The following ST3GAL3 variants were observed in gnomAD, a reference collection of about 807,000 sequenced individuals.
ST3GAL3 encodes CMP-N-acetylneuraminate-beta-1,4-galactoside alpha-2,3-sialyltransferase.
In ST3GAL3, 21 loss-of-function variants were observed where a neutral mutation model predicts 50.1. The observed-to-expected ratio is 0.42, with a 90% CI of 0.30 to 0.60. The LOEUF is 0.60. ST3GAL3 is among the 20% of genes least tolerant of loss of function. The pLI is 0.19. For synonymous variants in ST3GAL3, 183 were observed against 190.0 expected (o/e 0.96, Z 0.30); for missense variants, 353 against 489.4 (o/e 0.72, Z 2.63).
intron 2 of ST3GAL3, among the ~76,000 whole-genome samples, chr1:43,757,613 C>G (rs1417629785): frequency 6.6e-6 from 1 of 152,166 alleles, no homozygotes; most frequent in Non-Finnish European, 1.5e-5. Context: ...AACACTGATT[C>G]TTATTTCTCA....
chr1:43,780,145 AT>A (rs1245986502), intron 2 of ST3GAL3, among the ~76,000 whole-genome samples: 1 of 152,128 alleles, frequency 6.6e-6, no homozygotes, highest in East Asian at 1.9e-4. Context: ...TTTTGAGAAC[AT>A]ACCTGAAAAT....
intron 2 of ST3GAL3, among the ~76,000 whole-genome samples, chr1:43,782,769 A>G (rs1034410044): frequency 3.3e-5 from 5 of 152,208 alleles, no homozygotes; most frequent in African/African-American, 1.2e-4. Flanking sequence ...GGTTCTATTA[A>G]TGGTCCACCA....
At chr1:43,882,051 C>A (rs1385574217) in intron 5 of ST3GAL3, among the ~76,000 whole-genome samples, 1 of 152,146 alleles carries the variant, frequency 6.6e-6, no homozygotes, top group African/African-American at 2.4e-5. Context: ...ACACAGCCTG[C>A]GGGGGAACTG....
At chr1:43,865,732 T>C (rs1412059917) in intron 5 of ST3GAL3, among the ~76,000 whole-genome samples, 2 of 152,210 alleles carry the variant, frequency 1.3e-5, no homozygotes, top group African/African-American at 4.8e-5. Flanking sequence ...GCTTTACTCC[T>C]CTTCTGCCAT....
rs968213277 is a variant in ST3GAL3 at position 43,898,215 on chromosome 1, C to A, written c.398-20C>A. Reference sequence around the variant, plus strand: ...AAGGTAAGTGACCCTGTAACAGAAACCTCTCTCCTCTGTCTGCAGACAATC... The same window carrying A: ...AAGGTAAGTGACCCTGTAACAGAAAACTCTCTCCTCTGTCTGCAGACAATC... On this transcript the variant is annotated intron_variant, in intron 6 of 11. Transcript: ENST00000347631. The A allele has an allele frequency of 1.2e-6, 2 of 1,613,534 alleles. No homozygotes were observed. The highest frequency in any genetic ancestry group is 2.7e-5 in the African/African-American group (2 of 75,034).
intron 1 of ST3GAL3, among the ~76,000 whole-genome samples, chr1:43,722,007 T>G (rs1299240533): frequency 6.6e-6 from 1 of 152,228 alleles, no homozygotes; most frequent in African/African-American, 2.4e-5. Flanking sequence ...AAAATAGACA[T>G]GTTCCCTGCC....
At chr1:43,893,602 T>G (rs545949938) in intron 5 of ST3GAL3, among the ~76,000 whole-genome samples, 7 of 151,894 alleles carry the variant, frequency 4.6e-5, no homozygotes, top group Admixed American at 4.6e-4. Flanking sequence ...CCAAGAAGAG[T>G]AAGACTTGCC....
intron 11 of ST3GAL3, among the ~76,000 whole-genome samples, chr1:43,925,078 T>C (rs946042216): frequency 6.6e-6 from 1 of 151,738 alleles, no homozygotes; most frequent in African/African-American, 2.4e-5. Context: ...TCACCTGGGG[T>C]CAGGAGTTCG....
chr1:43,852,360 C>T (rs1574263231), intron 5 of ST3GAL3, among the ~76,000 whole-genome samples: 1 of 152,340 alleles, frequency 6.6e-6, no homozygotes, highest in East Asian at 1.9e-4. Flanking sequence ...TCATGGAATG[C>T]AAAGTCTTCC....
Position 43,814,901 on chromosome 1 carries a change from G to T in ST3GAL3, c.177G>T (p.Arg59=), listed in dbSNP as rs758360430. 3.7e-6 allele frequency: 6 copies of T among 1,614,124 alleles called. No individual in the cohort carries two copies. The highest frequency in any genetic ancestry group is 4.2e-6 in the Non-Finnish European group (5 of 1,180,014). Residue 59 remains arginine (R), a synonymous_variant, in exon 4 of 12, where the codon CGG becomes CGT. Transcript: ENST00000347631. ...AGQTLGSEYD[R]LGFLLNLDSK... ...GCTTTTCTTTTTCAGAGTATGATCG[G>T]TTGGGCTTCCTCCTGAATCTGGACT...
intron 2 of ST3GAL3, among the ~76,000 whole-genome samples, chr1:43,739,854 T>C (rs1237778626): frequency 2.6e-5 from 4 of 152,132 alleles, no homozygotes; most frequent in African/African-American, 9.7e-5. Flanking sequence ...AAGACTTGAG[T>C]CAAATGCTTA....
chr1:43,890,741 G>T (rs758544307), intron 5 of ST3GAL3, among the ~76,000 whole-genome samples: 3 of 152,106 alleles, frequency 2.0e-5, no homozygotes, highest in Non-Finnish European at 4.4e-5. Flanking sequence ...GAACTTAGCT[G>T]GGTATGGGGG....
At chr1:43,876,456 G>C (rs1051812008) in intron 5 of ST3GAL3, among the ~76,000 whole-genome samples, 2 of 152,210 alleles carry the variant, frequency 1.3e-5, no homozygotes, top group African/African-American at 4.8e-5. Context: ...CAAGCATCGG[G>C]ATTGAGGCTC....
chr1:43,864,066 G>T (rs916575713), intron 5 of ST3GAL3, among the ~76,000 whole-genome samples: 1 of 151,900 alleles, frequency 6.6e-6, no homozygotes, highest in African/African-American at 2.4e-5. Flanking sequence ...ATCACCTGAG[G>T]TCAGGAGTTC....
chr1:43,802,994 C>T (rs1325561327), intron 3 of ST3GAL3, among the ~76,000 whole-genome samples: 2 of 152,106 alleles, frequency 1.3e-5, no homozygotes, highest in Admixed American at 6.5e-5. Flanking sequence ...GGCGCCATCT[C>T]GGCTCACTGC....
At chr1:43,766,815 T>C (rs538770055) in intron 2 of ST3GAL3, among the ~76,000 whole-genome samples, 1 of 152,296 alleles carries the variant, frequency 6.6e-6, no homozygotes, top group Non-Finnish European at 1.5e-5. Context: ...GTTGAGCACC[T>C]AGAATTTAAA....
At chr1:43,908,058 G>A (rs957948210) in intron 9 of ST3GAL3, among the ~76,000 whole-genome samples, 3 of 152,178 alleles carry the variant, frequency 2.0e-5, no homozygotes, top group South Asian at 2.1e-4. Flanking sequence ...AGCATTTACT[G>A]TGTAGTGGGC....
chr1:43,772,372 T>C (rs930184107), intron 2 of ST3GAL3: 3 of 210,266 alleles, frequency 1.4e-5, no homozygotes, highest in Non-Finnish European at 2.8e-5. Flanking sequence ...TAATCCTATA[T>C]GTATATTTGC....
At chr1:43,720,274 T>C (rs1669767698) in intron 1 of ST3GAL3, among the ~76,000 whole-genome samples, 1 of 152,088 alleles carries the variant, frequency 6.6e-6, no homozygotes, top group African/African-American at 2.4e-5. Flanking sequence ...TGTGGAGAAA[T>C]TGGAATGCTC....
Sources: gnomAD v4.1 joint callset for allele counts (sites outside exome capture counted in the v4.1 genomes callset) on GRCh38, gnomAD v4.1.1 for gene constraint, MANE v1.5 for transcripts, NCBI Gene and HGNC (gene_info 2026-07-23, HGNC 2026-07-21) for gene names.